Variants in EIPR1 observed in about 807,000 individuals in gnomAD.
EIPR1 encodes EARP complex and GARP complex interacting protein 1.
Under a neutral mutation model 48.1 loss-of-function variants are expected in EIPR1, and 25 were observed. The ratio of observed to expected loss-of-function variants is 0.52; its 90% confidence interval spans 0.38 to 0.73. EIPR1 has a LOEUF of 0.73. Among genes scored for constraint, EIPR1 ranks in the 30% least tolerant of loss-of-function variants. The pLI is 0.00. For synonymous variants in EIPR1, 204 were observed against 201.9 expected (o/e 1.01, Z -0.09); for missense variants, 415 against 506.2 (o/e 0.82, Z 1.73).
At chr2:3,340,692 A>G (rs1670212389) in intron 2 of EIPR1, among the ~76,000 whole-genome samples, 1 of 152,218 alleles carries the variant, frequency 6.6e-6, no homozygotes, top group African/African-American at 2.4e-5. Context: ...CCACATCTCT[A>G]CAATTAGGGA....
chr2:3,192,210 C>T (rs1000753405), intron 8 of EIPR1, among the ~76,000 whole-genome samples: 2 of 152,236 alleles, frequency 1.3e-5, no homozygotes, highest in African/African-American at 4.8e-5. Context: ...GCACCTAACC[C>T]TAACGCACCT....
In EIPR1 at chr2:3,331,126, TGAGCAGAAGCAGGC is replaced by T. The variant is rs1284710333; in HGVS notation, c.259+6877_259+6890del. On this transcript the variant is annotated intron_variant, in intron 3 of 8. Transcript: ENST00000382125. ...GCAGGCACACACTCCTGAGGTGGTG[TGAGCAGAAGCAGGC>T]GTGTGCACACTCATGAGATGGTGTG... 7.1e-3 allele frequency among the ~76,000 whole-genome samples: 876 copies of T among 124,104 alleles called. 115 individuals are homozygous for T. Among genetic ancestry groups the T allele is most frequent in the East Asian group, 0.011 (40 of 3,774 alleles). 81.4% of individuals were successfully genotyped at this position (124,104 alleles called of 152,430 possible).
At chr2:3,255,190 C>A (rs1251718858) in intron 4 of EIPR1, among the ~76,000 whole-genome samples, 1 of 145,196 alleles carries the variant, frequency 6.9e-6, no homozygotes, top group Non-Finnish European at 1.5e-5. Context: ...TTCTTACTTT[C>A]TTTTTTTTTT....
intron 1 of EIPR1, among the ~76,000 whole-genome samples, chr2:3,372,976 C>T (rs1016758724): frequency 5.3e-5 from 8 of 152,104 alleles, no homozygotes; most frequent in Non-Finnish European, 8.8e-5. Flanking sequence ...ATGCAAAAAT[C>T]CTCAATAAAA....
chr2:3,357,926 T>C (rs532385931), intron 1 of EIPR1, among the ~76,000 whole-genome samples: 147 of 152,326 alleles, frequency 9.7e-4, no homozygotes, highest in Non-Finnish European at 1.7e-3. Context: ...GTCTTGACTT[T>C]AGCCCAGGGA....
chr2:3,264,954 G>A (rs1667442443), intron 3 of EIPR1, among the ~76,000 whole-genome samples: 1 of 152,030 alleles, frequency 6.6e-6, no homozygotes, highest in South Asian at 2.1e-4. Context: ...CAAAGTGCTG[G>A]GATTACAGGC....
At chr2:3,319,062 G>C (rs891634204) in intron 3 of EIPR1, 3 of 429,980 alleles carry the variant, frequency 7.0e-6, no homozygotes, top group East Asian at 1.4e-4. Context: ...AAGGAGAAAA[G>C]TGTTTAAGAT....
At chr2:3,249,458 T>C (rs946384221) in intron 4 of EIPR1, among the ~76,000 whole-genome samples, 2 of 152,222 alleles carry the variant, frequency 1.3e-5, no homozygotes, top group African/African-American at 4.8e-5. Context: ...TACAATCAGA[T>C]ACAGGAGCAA....
At chr2:3,232,686 C>T (rs568274999) in intron 4 of EIPR1, among the ~76,000 whole-genome samples, 2 of 152,182 alleles carry the variant, frequency 1.3e-5, no homozygotes, top group African/African-American at 4.8e-5. Flanking sequence ...CACTCACTCT[C>T]CTCTCAGGGG....
At chr2:3,288,844 A>G (rs951408806) in intron 3 of EIPR1, among the ~76,000 whole-genome samples, 1 of 152,312 alleles carries the variant, frequency 6.6e-6, no homozygotes, top group South Asian at 2.1e-4. Flanking sequence ...ATTCTGGTGC[A>G]CCAGCCATTC....
intron 3 of EIPR1, among the ~76,000 whole-genome samples, chr2:3,336,774 A>G (rs911762061): frequency 1.3e-5 from 2 of 151,362 alleles, no homozygotes; most frequent in Admixed American, 6.6e-5. Flanking sequence ...TCAAGAAAAG[A>G]AAAGGAAAAG....
intron 3 of EIPR1, among the ~76,000 whole-genome samples, chr2:3,275,593 A>G (rs1667825217): frequency 6.6e-6 from 1 of 152,212 alleles, no homozygotes; most frequent in Non-Finnish European, 1.5e-5. Flanking sequence ...ATTTCAAAGA[A>G]TTACTATTAA....
At chr2:3,199,260 A>C (rs994209833) in intron 5 of EIPR1, among the ~76,000 whole-genome samples, 1 of 152,120 alleles carries the variant, frequency 6.6e-6, no homozygotes, top group African/African-American at 2.4e-5. Flanking sequence ...CCTGTTCTTA[A>C]GGTGCCCAGA....
chr2:3,241,388 T>C lies in EIPR1; in HGVS notation c.416+15911A>G, dbSNP rs553939999. On this transcript the variant is annotated intron_variant, in intron 4 of 8. Coordinates refer to ENST00000382125, the MANE Select transcript of EIPR1 (RefSeq NM_003310.5). ...GAAATAACTGCTGTTATTTTATACG[T>C]AGCAATCCCTATAATCATTACTGTT... Among the ~76,000 whole-genome samples the C allele has an allele frequency of 3.3e-5, 5 of 152,308 alleles. No individual in the cohort carries two copies. In the South Asian group the frequency reaches 1.0e-3, roughly 32 times the overall value.
intron 1 of EIPR1, among the ~76,000 whole-genome samples, chr2:3,371,528 TG>T (rs1053300037): frequency 8.6e-5 from 13 of 151,958 alleles, no homozygotes; most frequent in African/African-American, 3.1e-4. Context: ...AATAAAAGGA[TG>T]GAGGAAGATC....
intron 4 of EIPR1, among the ~76,000 whole-genome samples, chr2:3,226,121 G>A (rs1666057896): frequency 6.6e-6 from 1 of 152,188 alleles, no homozygotes; most frequent in Admixed American, 6.5e-5. Flanking sequence ...GGATCTCTTT[G>A]AGCTAATGAT....
chr2:3,250,461 G>C (rs2103207014), intron 4 of EIPR1, among the ~76,000 whole-genome samples: 1 of 152,332 alleles, frequency 6.6e-6, no homozygotes, highest in Non-Finnish European at 1.5e-5. Context: ...TCATTTTACA[G>C]CCCATACCTT....
At chr2:3,309,967 C>T (rs777792608) in intron 3 of EIPR1, among the ~76,000 whole-genome samples, 16 of 152,260 alleles carry the variant, frequency 1.1e-4, no homozygotes, top group South Asian at 2.1e-4. Context: ...TGCCCGTGTA[C>T]GCACAGGGCA....
At chr2:3,271,002 C>T (rs1014109127) in intron 3 of EIPR1, among the ~76,000 whole-genome samples, 1 of 152,180 alleles carries the variant, frequency 6.6e-6, no homozygotes, top group Non-Finnish European at 1.5e-5. Context: ...ATTCTAAATC[C>T]TATGTTATTA....
Sources: gnomAD v4.1 joint callset for allele counts (sites outside exome capture counted in the v4.1 genomes callset) on GRCh38, gnomAD v4.1.1 for gene constraint, MANE v1.5 for transcripts, NCBI Gene and HGNC (gene_info 2026-07-23, HGNC 2026-07-21) for gene names.